Variants in RARB observed in about 807,000 individuals in gnomAD.
RARB encodes the protein retinoic acid receptor beta, also known as HBV-activated protein.
RARB carries 17 observed loss-of-function variants against 51.9 expected under a neutral mutation model. That is an observed-to-expected ratio of 0.33 (90% confidence interval 0.22 to 0.49). The LOEUF is 0.49. Among genes scored for constraint, RARB ranks in the 20% least tolerant of loss-of-function variants. The pLI is 0.99. For missense variants in RARB, 369 were observed against 550.8 expected, an observed-to-expected ratio of 0.67 and a Z score of 3.30; for synonymous variants, 215 against 195.4, an observed-to-expected ratio of 1.10 and a Z score of -0.84.
In RARB at chr3:25,083,727, G is replaced by T. The variant is rs528132470; in HGVS notation, c.-328+23551G>T. ...TGCTAGGCATAGTAAATGCTATGTTGTTGGGACTCTGGGTTGTATTATCAT... is the reference window on the plus strand; with the variant it reads ...TGCTAGGCATAGTAAATGCTATGTTTTTGGGACTCTGGGTTGTATTATCAT... On this transcript the variant is annotated intron_variant, in intron 3 of 11. Transcript: ENST00000383772. Among the ~76,000 whole-genome samples, 273 of 152,192 alleles carry T rather than the reference G, an allele frequency of 1.8e-3. 3 individuals carry two copies. The highest frequency in any genetic ancestry group is 2.2e-3 in the Non-Finnish European group (147 of 68,010).
intron 3 of RARB, among the ~76,000 whole-genome samples, chr3:25,092,003 A>G (rs902434607): frequency 6.6e-6 from 1 of 152,112 alleles, no homozygotes; most frequent in African/African-American, 2.4e-5. Context: ...TTGCAGCACA[A>G]TGTTCTTTTA....
intron 2 of RARB, among the ~76,000 whole-genome samples, chr3:24,957,391 C>T (rs1000843077): frequency 3.3e-5 from 5 of 152,122 alleles, no homozygotes; most frequent in African/African-American, 1.2e-4. Context: ...AGGGGTCTTA[C>T]TTGGAACCCT....
intron 5 of RARB, among the ~76,000 whole-genome samples, chr3:25,297,074 G>A (rs1044194693): frequency 6.6e-6 from 1 of 152,148 alleles, no homozygotes; most frequent in Non-Finnish European, 1.5e-5. Flanking sequence ...CTTTTATCTG[G>A]CCTGTGTAGA....
chr3:25,589,019 A>T (rs912254753), intron 5 of RARB, among the ~76,000 whole-genome samples: 1 of 152,246 alleles, frequency 6.6e-6, no homozygotes, highest in Non-Finnish European at 1.5e-5. Flanking sequence ...AGGGAGTAGG[A>T]TCAAAGAATT....
chr3:25,083,001 T>C (rs148182371), intron 3 of RARB, among the ~76,000 whole-genome samples: 1 of 152,218 alleles, frequency 6.6e-6, no homozygotes, highest in East Asian at 1.9e-4. Context: ...TTATATTGCC[T>C]TCTTGCCTGT....
At chr3:25,376,876 A>T (rs891127759) in intron 5 of RARB, among the ~76,000 whole-genome samples, 4 of 152,214 alleles carry the variant, frequency 2.6e-5, no homozygotes, top group Admixed American at 2.0e-4. Flanking sequence ...TGTTAGGCAC[A>T]GGTCCCATTT....
intron 2 of RARB, among the ~76,000 whole-genome samples, chr3:24,981,313 C>CA (rs1696666336): frequency 6.6e-6 from 1 of 152,172 alleles, no homozygotes; most frequent in African/African-American, 2.4e-5. Flanking sequence ...AGCTGTCAGG[C>CA]AGGGGGGCTT....
rs150257855 is a variant in RARB at position 24,843,189 on chromosome 3, CA to C, written c.-459+13787del. Among the ~76,000 whole-genome samples the C allele has an allele frequency of 4.0e-3, 604 of 152,212 alleles. 7 individuals are homozygous for C. Among genetic ancestry groups the C allele is most frequent in the African/African-American group, 0.011 (456 of 41,536 alleles). Reference sequence around the variant, plus strand: ...GGCAATGCTGCTGAGCAGAGAATTCCATATTAGGTTTCACTGACTGTCAAGG... The same window carrying C: ...GGCAATGCTGCTGAGCAGAGAATTCCTATTAGGTTTCACTGACTGTCAAGG... On this transcript the variant is annotated intron_variant, in intron 1 of 11. Transcript: ENST00000383772.
intron 2 of RARB, among the ~76,000 whole-genome samples, chr3:24,916,595 G>T: frequency 6.6e-6 from 1 of 151,938 alleles, no homozygotes; most frequent in East Asian, 1.9e-4. Flanking sequence ...TGCAGAGAGT[G>T]ATGTTTCCCA....
At chr3:24,910,217 C>T (rs973525006) in intron 2 of RARB, among the ~76,000 whole-genome samples, 14 of 152,056 alleles carry the variant, frequency 9.2e-5, no homozygotes, top group African/African-American at 3.4e-4. Context: ...CTTCCTAAGC[C>T]TAGAAACTTA....
intron 3 of RARB, among the ~76,000 whole-genome samples, chr3:25,508,912 T>C (rs1451343368): frequency 6.6e-6 from 1 of 151,474 alleles, no homozygotes; most frequent in East Asian, 1.9e-4. Context: ...AAAAAAATTA[T>C]GTTTGGGTAC....
intron 3 of RARB, among the ~76,000 whole-genome samples, chr3:25,120,770 G>A (rs1384636951): frequency 6.6e-6 from 1 of 152,134 alleles, no homozygotes; most frequent in African/African-American, 2.4e-5. Flanking sequence ...GCAATATGAG[G>A]CTTTTTGTCT....
rs543483859 is a variant in RARB at position 25,460,910 on chromosome 3, C to T, written c.158-283C>T. On this transcript the variant is annotated intron_variant, in intron 1 of 7. Transcript: ENST00000330688. ...ACTTCCTTCCTTTGAGTTTCTGTTT[C>T]TGTTGTGGCTAAAATTGTGATAAAA... Among the ~76,000 whole-genome samples, 8 of 152,228 alleles carry T rather than the reference C, an allele frequency of 5.3e-5. No individual in the cohort carries two copies. The South Asian group carries it at 1.7e-3, about 32-fold the overall frequency.
chr3:25,510,969 C>A (rs1697863952), intron 3 of RARB, among the ~76,000 whole-genome samples: 1 of 152,174 alleles, frequency 6.6e-6, no homozygotes, highest in South Asian at 2.1e-4. Flanking sequence ...AAAGGCCAGG[C>A]AGTAAATATT....
chr3:24,947,536 A>C (rs1219996607), intron 2 of RARB, among the ~76,000 whole-genome samples: 3 of 152,224 alleles, frequency 2.0e-5, no homozygotes, highest in African/African-American at 7.2e-5. Flanking sequence ...CACTTCGTGG[A>C]AGCATGGACA....
At chr3:25,081,008 T>G (rs561298635) in intron 3 of RARB, among the ~76,000 whole-genome samples, 1 of 152,154 alleles carries the variant, frequency 6.6e-6, no homozygotes, top group African/African-American at 2.4e-5. Context: ...CTGATCTCTT[T>G]TACTTTATTA....
At chr3:24,920,342 C>T (rs969905035) in intron 2 of RARB, among the ~76,000 whole-genome samples, 2 of 152,102 alleles carry the variant, frequency 1.3e-5, no homozygotes, top group African/African-American at 2.4e-5. Context: ...GGTATTGCAA[C>T]CAGCTCAGAA....
chr3:25,576,113 G>T (rs1045051879), intron 4 of RARB, among the ~76,000 whole-genome samples: 1 of 152,002 alleles, frequency 6.6e-6, no homozygotes, highest in Non-Finnish European at 1.5e-5. Context: ...ACACGGCACA[G>T]GGTTTCACAG....
At chr3:25,223,094 T>C (rs1319421081) in intron 5 of RARB, among the ~76,000 whole-genome samples, 2 of 152,210 alleles carry the variant, frequency 1.3e-5, no homozygotes, top group East Asian at 3.8e-4. Context: ...TAGATAACTA[T>C]ATATAATCAT....
Sources: allele counts gnomAD v4.1 joint callset (sites outside exome capture counted in the v4.1 genomes callset), GRCh38; gene constraint gnomAD v4.1.1; transcripts MANE v1.5; gene names NCBI Gene and HGNC (gene_info 2026-07-23, HGNC 2026-07-21).